RPL29: variants seen among roughly 807,000 people sequenced by gnomAD.
RPL29 encodes ribosomal protein L29.
Under a neutral mutation model 7.2 loss-of-function variants are expected in RPL29, and 4 were observed. The observed-to-expected ratio is 0.55, with a 90% CI of 0.27 to 1.26. RPL29 has a LOEUF of 1.26. RPL29 is among the 50% of genes most tolerant of loss of function. RPL29 has a pLI of 0.11. For synonymous variants in RPL29, 73 were observed against 72.8 expected (o/e 1.00, Z -0.01); for missense variants, 148 against 209.1 (o/e 0.71, Z 1.80).
Position 51,995,406 on chromosome 3 carries a change from C to T in RPL29, c.37+19G>A. The T allele has an allele frequency of 1.9e-6, 3 of 1,614,132 alleles. No homozygotes were observed. In the African/African-American group the frequency reaches 4.0e-5, roughly 22 times the overall value. ...TCCTTGCCAGGGTCTGGGATGTAGG[C>T]AGGGCCCAAAAAACTTACACTGGTT... is the stretch of plus-strand genomic sequence containing the variant. On this transcript the variant is annotated intron_variant, in intron 2 of 3. Transcript: ENST00000294189.
intron 2 of RPL29, 73 bp from the exon 3 acceptor site, chr3:51,995,179 G>T (rs1701298483): frequency 7.4e-7 from 1 of 1,344,848 alleles, no homozygotes; most frequent in Non-Finnish European, 1.0e-6. Flanking sequence ...ATCACAGCTG[G>T]CAAGTCTGGG....
chr3:51,994,421 A>G, intron 3 of RPL29: 1 of 394,914 alleles, frequency 2.5e-6, no homozygotes, highest in Non-Finnish European at 4.6e-6. Context: ...GGTTCGACCA[A>G]GTTTTTTCCT....
chr3:51,994,607 T>A, intron 3 of RPL29: 1 of 477,934 alleles, frequency 2.1e-6, no homozygotes, highest in East Asian at 3.8e-5. Flanking sequence ...ACTGGGGACA[T>A]GCTCAGCTCT....
chr3:51,993,697 G>C lies in RPL29; in HGVS notation c.*52C>G. ...GCCCCATGCAGATGGTAGCCCAGGG[G>C]CGGGGGTGGGGGGTCGCACCAGTCC... On this transcript the variant is annotated 3_prime_UTR_variant, in exon 4 of 4. Transcript: ENST00000294189. 1 of 1,513,090 alleles carries C rather than the reference G, an allele frequency of 6.6e-7. No homozygotes were observed. Among genetic ancestry groups the C allele is most frequent in the Non-Finnish European group, 8.8e-7 (1 of 1,134,404 alleles). 93.7% of individuals were successfully genotyped at this position (1,513,090 alleles called of 1,614,324 possible).
At position 51,995,079 on chromosome 3, in the gene RPL29, T is replaced by C. The variant is rs1207156665; in HGVS notation, c.65A>G (p.Lys22Arg). The change falls in exon 3 of 4, where the codon AAG (lysine) becomes AGG (arginine). Residue 22 changes from lysine (K) to arginine (R), a missense_variant. By Grantham distance (26) the Lys-to-Arg change is conservative. Coordinates refer to ENST00000294189, the MANE Select transcript of RPL29 (RefSeq NM_000992.3). ...QSRKWHRNGI[K>R]KPRSQRYESL... The stretch of plus-strand genomic sequence containing the variant: ...TTCGTATCTTTGTGATCGGGGTTTC[T>C]TGATACCATTTCTGTGCCATTTTCG... 2 of 1,610,732 alleles carry C rather than the reference T, an allele frequency of 1.2e-6. No homozygotes were observed. Among genetic ancestry groups the C allele is most frequent in the Non-Finnish European group, 1.7e-6 (2 of 1,178,480 alleles).
rs995125013 is a variant in RPL29 at position 51,995,866 on chromosome 3, C to G, written c.-18G>C. On this transcript the variant is annotated 5_prime_UTR_variant, in exon 1 of 4. Transcript: ENST00000294189. ...CGCGGCCAACACTCACCATAAGCCG[C>G]GGCTCCCGAAGCGCCTAGAACCGGA... The G allele has an allele frequency of 3.1e-5, 7 of 227,394 alleles. No individual in the cohort carries two copies. Among genetic ancestry groups the G allele is most frequent in the Admixed American group, 1.1e-4 (2 of 19,008 alleles). 14.1% of individuals were successfully genotyped at this position (227,394 alleles called of 1,614,324 possible). A position where few individuals can be genotyped will look rare whatever the true frequency, so the allele number is the denominator to read the frequency against.
chr3:51,995,419 A>G lies in RPL29; in HGVS notation c.37+6T>C, dbSNP rs759525225. The G allele has an allele frequency of 6.2e-7, 1 of 1,614,116 alleles. No homozygotes were observed. Among genetic ancestry groups the G allele is most frequent in the South Asian group, 1.1e-5 (1 of 91,074 alleles). On this transcript the variant is annotated splice_donor_region_variant and intron_variant, in intron 2 of 3. Transcript: ENST00000294189. The stretch of plus-strand genomic sequence containing the variant: ...CTGGGATGTAGGCAGGGCCCAAAAA[A>G]CTTACACTGGTTGTGTGTGGTGTGG...
chr3:51,995,667 G>A (rs568403315), intron 1 of RPL29, 190 bp downstream of exon 1: 17 of 600,108 alleles, frequency 2.8e-5, no homozygotes, highest in South Asian at 3.9e-5. Context: ...CCTTACCCCC[G>A]GAAAGCTGCA....
Position 51,993,545 on chromosome 3 carries a change from A to G in RPL29, c.*204T>C. 1 of 560,974 alleles carries G rather than the reference A, an allele frequency of 1.8e-6. No homozygotes were observed. Among genetic ancestry groups the G allele is most frequent in the Non-Finnish European group, 3.1e-6 (1 of 320,876 alleles). 34.7% of individuals were successfully genotyped at this position (560,974 alleles called of 1,614,324 possible). A position where few individuals can be genotyped will look rare whatever the true frequency, so the allele number is the denominator to read the frequency against. On this transcript the variant is annotated 3_prime_UTR_variant, in exon 4 of 4. Coordinates refer to ENST00000294189, the MANE Select transcript of RPL29 (RefSeq NM_000992.3). ...ATCTCCTGACTCCCACCCACACCCC[A>G]CCATCCAGACCCATGTCTTCTCCCA...
chr3:51,994,911 T>C (rs1338033084), intron 3 of RPL29, 131 bp downstream of exon 3: 3 of 830,952 alleles, frequency 3.6e-6, no homozygotes, highest in African/African-American at 3.3e-5. Context: ...GAAAAAGGAA[T>C]TGCAGGCTTT....
intron 2 of RPL29, 111 bp downstream of exon 2, chr3:51,995,314 A>G: frequency 8.0e-7 from 1 of 1,252,440 alleles, no homozygotes; most frequent in Non-Finnish European, 1.2e-6. Context: ...ACTGGGTGAA[A>G]TCAATCAGCC....
intron 3 of RPL29, chr3:51,994,513 C>A: frequency 3.0e-6 from 1 of 333,688 alleles, no homozygotes; most frequent in East Asian, 6.2e-5. Flanking sequence ...AGACTTATAG[C>A]CAAGGTGGGA....
intron 3 of RPL29, chr3:51,994,593 A>C: frequency 2.3e-6 from 1 of 442,982 alleles, no homozygotes; most frequent in Non-Finnish European, 4.1e-6. Context: ...AAGGGAAGGA[A>C]CAGACTGGGG....
intron 1 of RPL29, 82 bp from the exon 2 acceptor site, chr3:51,995,551 C>A (rs1402579275): frequency 7.4e-7 from 1 of 1,346,654 alleles, no homozygotes; most frequent in East Asian, 2.3e-5. Flanking sequence ...TCAGAATGAG[C>A]CTGCAGGCAG....
At chr3:51,994,234 C>T (rs1701287350) in intron 3 of RPL29, 108 bp from the exon 4 acceptor site, 1 of 1,393,632 alleles carries the variant, frequency 7.2e-7, no homozygotes, top group African/African-American at 1.4e-5. Flanking sequence ...TCAAGTCAAC[C>T]TCAAATGTGG....
At chr3:51,995,355 T>G in intron 2 of RPL29, 70 bp downstream of exon 2, 1 of 1,537,900 alleles carries the variant, frequency 6.5e-7, no homozygotes. Flanking sequence ...TGCCCCTTCA[T>G]CTCTGTCCCA....
chr3:51,995,070 C>T lies in RPL29; in HGVS notation c.74G>A (p.Arg25Gln), dbSNP rs767205632. 6.2e-7 allele frequency: 1 copy of T among 1,612,056 alleles called. No individual in the cohort carries two copies. The highest frequency in any genetic ancestry group is 8.5e-7 in the Non-Finnish European group (1 of 1,179,358). The change falls in exon 3 of 4, where the codon CGA (arginine) becomes CAA (glutamine). Residue 25 changes from arginine to glutamine, a missense_variant. Coordinates refer to ENST00000294189, the MANE Select transcript of RPL29 (RefSeq NM_000992.3). ...CTTAAGAGATTCGTATCTTTGTGAT[C>T]GGGGTTTCTTGATACCATTTCTGTG... ...KWHRNGIKKPRSQRYESLKGV... is the reference protein window; with the variant it reads ...KWHRNGIKKPQSQRYESLKGV...
In RPL29 at chr3:51,993,872, G is replaced by C. The variant is rs765521240; in HGVS notation, c.357C>G (p.Cys119Trp). 6 of 1,526,748 alleles carry C rather than the reference G, an allele frequency of 3.9e-6. No individual in the cohort carries two copies. In the Admixed American group the frequency reaches 1.0e-4, roughly 26 times the overall value. The allele number at this position is 1,526,748 out of a possible 1,614,324, so 94.6% of individuals were successfully genotyped here. A position where few individuals can be genotyped will look rare whatever the true frequency, so the allele number is the denominator to read the frequency against. Reference sequence around the variant, plus strand: ...TGGCCTTGGCCTTGGCCTTTGGCCGGCACAGCCTGAGCCCCTTGGCAATAC... The same window carrying C: ...TGGCCTTGGCCTTGGCCTTTGGCCGCCACAGCCTGAGCCCCTTGGCAATAC... The part of the protein sequence containing the change: ...RARIAKGLRL[C>W]RPKAKAKAKA... The change falls in exon 4 of 4, where the codon TGC (cysteine) becomes TGG (tryptophan). Residue 119 changes from cysteine to tryptophan, a missense_variant. Cys to Trp is a radical substitution (Grantham distance 215). Coordinates refer to ENST00000294189, the MANE Select transcript of RPL29 (RefSeq NM_000992.3).
At position 51,995,122 on chromosome 3, in the gene RPL29, A is replaced by T; in HGVS notation, c.38-16T>A. 1 of 1,597,922 alleles carries T rather than the reference A, an allele frequency of 6.3e-7. No homozygotes were observed. The highest frequency in any genetic ancestry group is 8.5e-7 in the Non-Finnish European group (1 of 1,170,216). On this transcript the variant is annotated splice_polypyrimidine_tract_variant and intron_variant, in intron 2 of 3. Transcript: ENST00000294189. ...CATTTTCGGGCTGTGGGAGAAAAAA[A>T]GGGAATTAAGCCAACAAAGAACTTT...
Sources: allele counts gnomAD v4.1 joint callset, GRCh38; gene constraint gnomAD v4.1.1; transcripts MANE v1.5; gene names NCBI Gene and HGNC (gene_info 2026-07-23, HGNC 2026-07-21).